IL2RB: variants seen among roughly 807,000 people sequenced by gnomAD.
IL2RB encodes interleukin 2 receptor subunit beta.
Under a neutral mutation model 44.2 loss-of-function variants are expected in IL2RB, and 17 were observed. That is an observed-to-expected ratio of 0.38 (90% CI 0.26 to 0.58). The LOEUF (loss-of-function observed/expected upper bound fraction) is 0.58, where lower values mean the gene tolerates loss of function less well. Among genes scored for constraint, IL2RB ranks in the 20% least tolerant of loss-of-function variants. The probability of loss-of-function intolerance (pLI) is 0.63; values close to 1 mark genes in which losing one functional copy is unlikely to be tolerated. For missense variants in IL2RB, 624 were observed against 685.5 expected (o/e 0.91, Z 1.00); for synonymous variants, 286 against 297.9 (o/e 0.96, Z 0.41).
intron 6 of IL2RB, 49 bp from the exon 7 acceptor site, chr22:37,136,442 G>A (rs1388744832): frequency 7.7e-6 from 12 of 1,552,660 alleles, no homozygotes; most frequent in East Asian, 2.4e-5. Context: ...CCCATGGCAG[G>A]GCCAGGAGGC....
chr22:37,170,565 C>G (rs1923247434), intron 1 of IL2RB, among the ~76,000 whole-genome samples: 1 of 152,136 alleles, frequency 6.6e-6, no homozygotes, highest in African/African-American at 2.4e-5. Flanking sequence ...AGAACCCAAG[C>G]CTCCATCCCT....
At chr22:37,165,844 A>G (rs1168067480) in intron 1 of IL2RB, among the ~76,000 whole-genome samples, 1 of 152,130 alleles carries the variant, frequency 6.6e-6, no homozygotes, top group African/African-American at 2.4e-5. Flanking sequence ...CTTGGAGCTG[A>G]AAACATCCTG....
intron 8 of IL2RB, among the ~76,000 whole-genome samples, chr22:37,134,916 G>A (rs543757635): frequency 6.6e-6 from 1 of 152,336 alleles, no homozygotes; most frequent in Admixed American, 6.5e-5. Flanking sequence ...GGGAATAAGC[G>A]AATGACAGAC....
At chr22:37,137,554 C>A in intron 6 of IL2RB, 33 bp downstream of exon 6, 1 of 1,611,536 alleles carries the variant, frequency 6.2e-7, no homozygotes, top group Non-Finnish European at 8.5e-7. Context: ...GAAGGAGGAA[C>A]CAAGGCAGGT....
intron 1 of IL2RB, among the ~76,000 whole-genome samples, chr22:37,147,495 C>T (rs1922281354): frequency 6.6e-6 from 1 of 152,242 alleles, no homozygotes; most frequent in South Asian, 2.1e-4. Context: ...GGCCAAGTGC[C>T]TCACATATGC....
At chr22:37,173,131 G>A (rs1923344311) in intron 1 of IL2RB, among the ~76,000 whole-genome samples, 1 of 152,142 alleles carries the variant, frequency 6.6e-6, no homozygotes, top group African/African-American at 2.4e-5. Flanking sequence ...TCCTGGCCTT[G>A]ACCCATATTG....
intron 5 of IL2RB, among the ~76,000 whole-genome samples, chr22:37,138,822 G>A (rs2146238637): frequency 6.6e-6 from 1 of 152,342 alleles, no homozygotes; most frequent in South Asian, 2.1e-4. Context: ...ATGTGCAAGG[G>A]CTCAGAGGCA....
intron 1 of IL2RB, chr22:37,161,769 A>C (rs952946443): frequency 6.6e-6 from 1 of 152,062 alleles, no homozygotes. Context: ...CAGGCTGGGA[A>C]TATGATCATG....
At chr22:37,150,657 A>G (rs1601607298), upstream of IL2RB, among the ~76,000 whole-genome samples, 1 of 152,190 alleles carries the variant, frequency 6.6e-6, no homozygotes, top group East Asian at 1.9e-4. Flanking sequence ...CTGTTATGCT[A>G]TCAAATACTA....
At chr22:37,149,442 G>A (rs1476941155) in intron 1 of IL2RB, among the ~76,000 whole-genome samples, 5 of 152,118 alleles carry the variant, frequency 3.3e-5, no homozygotes, top group Non-Finnish European at 7.4e-5. Context: ...TCAGGAGGGG[G>A]CTCCCGCCTG....
chr22:37,148,050 G>A (rs1376464890), intron 1 of IL2RB, among the ~76,000 whole-genome samples: 3 of 152,240 alleles, frequency 2.0e-5, no homozygotes, highest in South Asian at 4.1e-4. Context: ...GAGCCCCAGT[G>A]TGTGAGGAAG....
In IL2RB at chr22:37,141,149, A is replaced by C. The variant is rs143519072; in HGVS notation, c.282+1285T>G. Among the ~76,000 whole-genome samples, 1 of 151,910 alleles carries C rather than the reference A, an allele frequency of 6.6e-6. No homozygotes were observed. The highest frequency in any genetic ancestry group is 2.4e-5 in the African/African-American group (1 of 41,440). On this transcript the variant is annotated intron_variant, in intron 4 of 9. Transcript: ENST00000216223. The surrounding 1 kb of genome is among the most constrained non-coding windows in gnomAD (Gnocchi z 4.4). ...GTGCTGTTGGGGGCTGGGATCAGGC[A>C]AGAGCCCCGCTCTCCTGGGCGCAGC...
intron 1 of IL2RB, among the ~76,000 whole-genome samples, chr22:37,166,275 C>A (rs951538686): frequency 1.2e-4 from 19 of 152,216 alleles, no homozygotes; most frequent in Non-Finnish European, 2.2e-4. Context: ...CCCGCCCCCC[C>A]ACCTCCTGCC....
intron 1 of IL2RB, among the ~76,000 whole-genome samples, chr22:37,172,883 C>G (rs1207109212): frequency 6.6e-6 from 1 of 152,080 alleles, no homozygotes; most frequent in Non-Finnish European, 1.5e-5. Flanking sequence ...TGTAAGGAGC[C>G]CTGCCCTGTC....
At chr22:37,174,309 C>A (rs1406469087) in intron 1 of IL2RB, among the ~76,000 whole-genome samples, 2 of 152,196 alleles carry the variant, frequency 1.3e-5, no homozygotes, top group African/African-American at 2.4e-5. Context: ...CTGAAACAAC[C>A]TTCACTGGCT....
At chr22:37,131,733 A>T (rs181508296) in intron 9 of IL2RB, among the ~76,000 whole-genome samples, 52 of 151,338 alleles carry the variant, frequency 3.4e-4, no homozygotes, top group Non-Finnish European at 3.2e-4. Context: ...AATACCAGAT[A>T]GGGTACTTTT....
At chr22:37,130,666 G>A (rs760812060) in intron 9 of IL2RB, among the ~76,000 whole-genome samples, 1 of 152,206 alleles carries the variant, frequency 6.6e-6, no homozygotes, top group Non-Finnish European at 1.5e-5. Flanking sequence ...CGATGTTGTA[G>A]GTTCATAGAA....
chr22:37,138,361 A>G (rs911164892), intron 5 of IL2RB, among the ~76,000 whole-genome samples: 2 of 152,186 alleles, frequency 1.3e-5, no homozygotes, highest in Non-Finnish European at 2.9e-5. Flanking sequence ...GATGCCTTAC[A>G]AGCCTGGTAG....
upstream of IL2RB, among the ~76,000 whole-genome samples, chr22:37,151,154 G>T (rs1405002984): frequency 6.6e-6 from 1 of 152,176 alleles, no homozygotes; most frequent in Non-Finnish European, 1.5e-5. Context: ...TCTTCAAACT[G>T]TTCTTTATAG....
Sources: allele counts gnomAD v4.1 joint callset (sites outside exome capture counted in the v4.1 genomes callset), GRCh38; gene constraint gnomAD v4.1.1; non-coding constraint Gnocchi (gnomAD v3.1); transcripts MANE v1.5; gene names NCBI Gene and HGNC (gene_info 2026-07-23, HGNC 2026-07-21).